Variants in IKZF2 observed in about 807,000 individuals in gnomAD.
The protein encoded by IKZF2 is zinc finger protein Helios.
Under a neutral mutation model 49.2 loss-of-function variants are expected in IKZF2, and 15 were observed. The observed-to-expected ratio is 0.30, with a 90% confidence interval of 0.20 to 0.47. The LOEUF (loss-of-function observed/expected upper bound fraction) is 0.47, where lower values mean the gene tolerates loss of function less well. Ranked by LOEUF, IKZF2 falls within the 20% of genes least tolerant of loss-of-function variation. The pLI is 1.00. For synonymous variants in IKZF2, 227 were observed against 221.4 expected, an observed-to-expected ratio of 1.03 and a Z score of -0.23; for missense variants, 567 against 664.6, an observed-to-expected ratio of 0.85 and a Z score of 1.61.
chr2:213,106,650 A>G (rs1274621827), intron 4 of IKZF2, among the ~76,000 whole-genome samples: 4 of 151,830 alleles, frequency 2.6e-5, no homozygotes, highest in Admixed American at 1.3e-4. Flanking sequence ...TCTAAAAAAA[A>G]AAAAAAGAAA....
chr2:213,105,579 GT>G (rs2059495740), intron 4 of IKZF2, among the ~76,000 whole-genome samples: 1 of 148,226 alleles, frequency 6.7e-6, no homozygotes, highest in South Asian at 2.2e-4. Flanking sequence ...AGTGTAGTGT[GT>G]GGGGGGGGAA....
chr2:213,147,895 G>T, intron 3 of IKZF2, 83 bp from the exon 4 acceptor site: 1 of 906,574 alleles, frequency 1.1e-6, no homozygotes, highest in Non-Finnish European at 1.8e-6. Context: ...TACACGCAAT[G>T]GCATGCATAG....
chr2:213,026,364 T>C (rs1697822584), intron 6 of IKZF2, among the ~76,000 whole-genome samples: 2 of 152,186 alleles, frequency 1.3e-5, no homozygotes, highest in Non-Finnish European at 2.9e-5. Flanking sequence ...TATCTTATAT[T>C]ATCTGTGACT....
chr2:213,058,960 C>G (rs1701430930), intron 4 of IKZF2, among the ~76,000 whole-genome samples: 1 of 151,804 alleles, frequency 6.6e-6, no homozygotes, highest in Non-Finnish European at 1.5e-5. Context: ...TTTTATAAAT[C>G]TAGCATCATT....
intron 6 of IKZF2, among the ~76,000 whole-genome samples, chr2:213,044,867 C>A (rs1261684549): frequency 9.9e-5 from 15 of 152,056 alleles, no homozygotes. Flanking sequence ...ATACTAAGAC[C>A]ATTAGTTTTT....
intron 7 of IKZF2, among the ~76,000 whole-genome samples, chr2:213,021,291 G>A (rs1319596049): frequency 6.6e-6 from 1 of 151,896 alleles, no homozygotes; most frequent in African/African-American, 2.4e-5. Flanking sequence ...TGAGATTTTT[G>A]TCTTTGTATA....
At chr2:213,057,423 C>G (rs1158488772) in intron 4 of IKZF2, among the ~76,000 whole-genome samples, 2 of 152,062 alleles carry the variant, frequency 1.3e-5, no homozygotes, top group Non-Finnish European at 2.9e-5. Context: ...GTCACTAAGA[C>G]TCCTAGGACT....
rs1409321271 is a variant in IKZF2 at position 213,002,962 on chromosome 2, A to C, written c.*4398T>G. The C allele has an allele frequency of 1.3e-5, 2 of 152,086 alleles. No homozygotes were observed. Among genetic ancestry groups the C allele is most frequent in the African/African-American group, 2.4e-5 (1 of 41,484 alleles). 9.4% of individuals were successfully genotyped at this position (152,086 alleles called of 1,614,324 possible). A position where few individuals can be genotyped will look rare whatever the true frequency, so the allele number is the denominator to read the frequency against. ...CTATATTTTACCTGCATAATCTTGT[A>C]ATCATATTCAGAAATACTATGAAAC... On this transcript the variant is annotated 3_prime_UTR_variant, in exon 9 of 9. Transcript: ENST00000434687.
intron 4 of IKZF2, among the ~76,000 whole-genome samples, chr2:213,144,661 G>A (rs1245106169): frequency 6.6e-6 from 1 of 151,880 alleles, no homozygotes; most frequent in Non-Finnish European, 1.5e-5. Flanking sequence ...TAGCCATCAA[G>A]GCATATACTG....
chr2:213,107,950 T>A (rs2059586198), intron 4 of IKZF2, among the ~76,000 whole-genome samples: 2 of 152,110 alleles, frequency 1.3e-5, no homozygotes, highest in Non-Finnish European at 2.9e-5. Context: ...TATGATTAAG[T>A]GAAATGTAAA....
chr2:213,133,543 C>A (rs1432629019), intron 4 of IKZF2, among the ~76,000 whole-genome samples: 1 of 151,750 alleles, frequency 6.6e-6, no homozygotes, highest in Non-Finnish European at 1.5e-5. Flanking sequence ...CTAGCCTGAC[C>A]AACATGGTAA....
chr2:213,014,179 T>C (rs898696805), intron 7 of IKZF2: 4 of 272,218 alleles, frequency 1.5e-5, no homozygotes, highest in African/African-American at 8.7e-5. Context: ...TTGCCACTAT[T>C]GGTGGCAAAC....
chr2:213,125,787 A>AAT (rs766912969), intron 4 of IKZF2, among the ~76,000 whole-genome samples: 7 of 152,162 alleles, frequency 4.6e-5, no homozygotes, highest in Non-Finnish European at 8.8e-5. Flanking sequence ...TCAGTGTATA[A>AAT]AGGTATTATA....
intron 6 of IKZF2, among the ~76,000 whole-genome samples, chr2:213,049,340 A>G (rs1169676789): frequency 6.6e-6 from 1 of 152,044 alleles, no homozygotes; most frequent in Non-Finnish European, 1.5e-5. Flanking sequence ...ATCAGTTTTC[A>G]TTTCCTCTAC....
Position 213,002,113 on chromosome 2 carries a change from C to T in IKZF2, c.*5247G>A, listed in dbSNP as rs75767572. ...ACTCATTTATTTGTACCTATATGAA[C>T]TTATATGCTGTACTTTATGTGACTT... On this transcript the variant is annotated 3_prime_UTR_variant, in exon 9 of 9. Coordinates refer to ENST00000434687, the MANE Select transcript of IKZF2 (RefSeq NM_001387220.1). The T allele has an allele frequency of 2.6e-4, 39 of 151,528 alleles. 1 individual carries two copies. In the East Asian group the frequency reaches 7.2e-3, roughly 28 times the overall value. 9.4% of individuals were successfully genotyped at this position (151,528 alleles called of 1,614,324 possible).
chr2:213,087,748 G>A (rs143406331), intron 4 of IKZF2, among the ~76,000 whole-genome samples: 4,724 of 152,202 alleles, frequency 0.031, 228 homozygotes, highest in African/African-American at 0.11. Flanking sequence ...GAGAACATGC[G>A]GTGTTTGGTT....
intron 8 of IKZF2, among the ~76,000 whole-genome samples, chr2:213,013,114 C>T (rs1696157012): frequency 6.6e-6 from 1 of 151,754 alleles, no homozygotes; most frequent in South Asian, 2.1e-4. Context: ...AGTTCAAAAT[C>T]ATAGGCTGGA....
At chr2:213,052,787 T>G (rs1217544977) in intron 5 of IKZF2, among the ~76,000 whole-genome samples, 1 of 152,120 alleles carries the variant, frequency 6.6e-6, no homozygotes, top group African/African-American at 2.4e-5. Flanking sequence ...GTTATTTCTA[T>G]AAAACATTAG....
chr2:213,056,875 T>C lies in IKZF2; in HGVS notation c.364A>G (p.Ile122Val), dbSNP rs978549130. The C allele has an allele frequency of 1.2e-6, 2 of 1,613,858 alleles. No individual in the cohort carries two copies. Among genetic ancestry groups the C allele is most frequent in the Non-Finnish European group, 1.7e-6 (2 of 1,179,894 alleles). ...TGTACCATAAGCACATTGGGCCCAA[T>C]GCAAACCATGCCACAGACGTCACAT... ...LKCDVCGMVCIGPNVLMVHKR... is the reference protein window; with the variant it reads ...LKCDVCGMVCVGPNVLMVHKR... The change falls in exon 5 of 9, where the codon ATT becomes GTT. Residue 122 changes from isoleucine to valine, a missense_variant. By Grantham distance (29) the Ile-to-Val change is conservative (BLOSUM62 3). Around this residue, in one of 5 missense-constraint regions of IKZF2, gnomAD observed 54 missense variants for 119.9 expected, o/e 0.45. Transcript: ENST00000434687.
Sources: gnomAD v4.1 joint callset for allele counts (sites outside exome capture counted in the v4.1 genomes callset) on GRCh38, gnomAD v4.1.1 for gene constraint, gnomAD v4.1.1 regional missense constraint, MANE v1.5 for transcripts, NCBI Gene and HGNC (gene_info 2026-07-23, HGNC 2026-07-21) for gene names.